Variants in PPARA observed in about 807,000 individuals in gnomAD.
The protein encoded by PPARA is peroxisome proliferator-activated receptor alpha.
PPARA carries 22 observed loss-of-function variants against 42.2 expected under a neutral mutation model. The ratio of observed to expected loss-of-function variants is 0.52; its 90% CI spans 0.37 to 0.74. PPARA has a LOEUF of 0.74. Among genes scored for constraint, PPARA ranks in the 30% least tolerant of loss-of-function variants. The pLI is 0.00. For missense variants in PPARA, 465 were observed against 608.2 expected, an observed-to-expected ratio of 0.76 and a Z score of 2.48; for synonymous variants, 242 against 239.3, an observed-to-expected ratio of 1.01 and a Z score of -0.10.
chr22:46,170,943 C>T (rs1927932056), intron 2 of PPARA, among the ~76,000 whole-genome samples: 1 of 151,706 alleles, frequency 6.6e-6, no homozygotes, highest in African/African-American at 2.4e-5. Flanking sequence ...AGCAGATCAC[C>T]TGAGGTCAGG....
At position 46,233,063 on chromosome 22, in the gene PPARA, T is replaced by C. The variant is rs4253774; in HGVS notation, c.1159+824T>C. Among the ~76,000 whole-genome samples, 2,769 of 150,686 alleles carry C rather than the reference T, an allele frequency of 0.018. 82 individuals are homozygous for C. Among genetic ancestry groups the C allele is most frequent in the African/African-American group, 0.064 (2,617 of 41,090 alleles). ...TTATATCTAATATTATAAACAGATA[T>C]AATTTATATATTATGATATTCCTGT... On this transcript the variant is annotated intron_variant, in intron 8 of 8. Coordinates refer to ENST00000407236, the MANE Select transcript of PPARA (RefSeq NM_005036.6). This position sits in a 1 kb window ranked among gnomAD's most constrained non-coding sequence, Gnocchi z 7.3.
intron 2 of PPARA, among the ~76,000 whole-genome samples, chr22:46,170,232 G>C (rs548519334): frequency 5.2e-4 from 79 of 150,992 alleles, no homozygotes; most frequent in African/African-American, 1.7e-3. Context: ...TGTTTTTGGT[G>C]GCAGGGGGGT....
chr22:46,240,120 CTTCAACAGTGTGGCCT>C lies in PPARA; in HGVS notation c.*4746_*4761del, dbSNP rs1936333984. 1 of 398,612 alleles carries C rather than the reference CTTCAACAGTGTGGCCT, an allele frequency of 2.5e-6. No individual in the cohort carries two copies. Among genetic ancestry groups the C allele is most frequent in the Non-Finnish European group, 4.4e-6 (1 of 226,160 alleles). The allele number at this position is 398,612 out of a possible 1,614,324, so 24.7% of individuals were successfully genotyped here. Reference sequence around the variant, plus strand: ...TGGCCACCTTCAACAGCTGGTACCTCTTCAACAGTGTGGCCTTTCAAAATGCAGATGCCACCAGGAG... The same window carrying C: ...TGGCCACCTTCAACAGCTGGTACCTCTTCAAAATGCAGATGCCACCAGGAG... On this transcript the variant is annotated 3_prime_UTR_variant, in exon 9 of 9. Transcript: ENST00000407236. This position sits in a 1 kb window ranked among gnomAD's most constrained non-coding sequence, Gnocchi z 6.0.
At chr22:46,217,630 A>G (rs1040502391) in intron 5 of PPARA, among the ~76,000 whole-genome samples, 2 of 152,142 alleles carry the variant, frequency 1.3e-5, no homozygotes, top group Non-Finnish European at 2.9e-5. Context: ...AGTTACATTC[A>G]TATACATTGT....
At chr22:46,229,719 G>A (rs190375880) in intron 7 of PPARA, among the ~76,000 whole-genome samples, 18 of 151,974 alleles carry the variant, frequency 1.2e-4, no homozygotes, top group East Asian at 3.9e-4. Flanking sequence ...TTTATTAATC[G>A]GACTTGAGAT....
At position 46,223,297 on chromosome 22, in the gene PPARA, G is replaced by T. The variant is rs144206504; in HGVS notation, c.711+3283G>T. Among the ~76,000 whole-genome samples the T allele has an allele frequency of 2.9e-3, 443 of 152,240 alleles. 4 individuals are homozygous for T. Among genetic ancestry groups the T allele is most frequent in the African/African-American group, 0.01 (423 of 41,572 alleles). On this transcript the variant is annotated intron_variant, in intron 7 of 8. Coordinates refer to ENST00000407236, the MANE Select transcript of PPARA (RefSeq NM_005036.6). ...GGAACCCCATCACCCTCAGCTGAGG[G>T]TCACATGCAGCAACTAGCAGGCGGG...
intron 2 of PPARA, among the ~76,000 whole-genome samples, chr22:46,175,060 C>T (rs1370699162): frequency 2.0e-5 from 3 of 151,960 alleles, no homozygotes; most frequent in African/African-American, 7.2e-5. Context: ...CATAGGCGTG[C>T]ACCACACCTG....
chr22:46,228,200 A>T (rs1935604534), intron 7 of PPARA, among the ~76,000 whole-genome samples: 1 of 152,212 alleles, frequency 6.6e-6, no homozygotes, highest in Non-Finnish European at 1.5e-5. Flanking sequence ...TTGGGTGTTC[A>T]TGCTCCGCTG....
rs977869245 is a variant in PPARA, at chr22:46,163,808, T to G, written c.-127+11838T>G. 6.6e-6 allele frequency: 1 copy of G among 152,202 alleles called. No individual in the cohort carries two copies. The allele number at this position is 152,202 out of a possible 1,614,324, so 9.4% of individuals were successfully genotyped here. On this transcript the variant is annotated intron_variant, in intron 2 of 8. Coordinates refer to ENST00000407236, the MANE Select transcript of PPARA (RefSeq NM_005036.6). This position sits in a 1 kb window ranked among gnomAD's most constrained non-coding sequence, Gnocchi z 4.9. Reference sequence around the variant, plus strand: ...AAGTCGCCCACACTGCTTTCCCCCATGGGAGTGACAAGGATGTGTCCCGCC... The same window carrying G: ...AAGTCGCCCACACTGCTTTCCCCCAGGGGAGTGACAAGGATGTGTCCCGCC...
intron 3 of PPARA, among the ~76,000 whole-genome samples, chr22:46,189,563 A>C (rs573661029): frequency 6.6e-6 from 1 of 152,328 alleles, no homozygotes; most frequent in East Asian, 1.9e-4. Context: ...AAATTCATTA[A>C]GATAGAGTGT....
rs78922364 is a variant in PPARA, at chr22:46,237,225, G to A, written c.*1845G>A. The A allele has an allele frequency of 6.6e-6, 1 of 152,208 alleles. No individual in the cohort carries two copies. Among genetic ancestry groups the A allele is most frequent in the Non-Finnish European group, 1.5e-5 (1 of 68,038 alleles). 9.4% of individuals were successfully genotyped at this position (152,208 alleles called of 1,614,324 possible). On this transcript the variant is annotated 3_prime_UTR_variant, in exon 9 of 9. Transcript: ENST00000407236. The surrounding 1 kb of genome is among the most constrained non-coding windows in gnomAD (Gnocchi z 6.7). ...AATGCGAGAGTGGGAAGGACACAGT[G>A]TGAGACTTCCACTAGAAAAAAGTGA...
chr22:46,241,698 AC>A lies in PPARA; in HGVS notation c.*6319del, dbSNP rs1363260471. Reference sequence around the variant, plus strand: ...TGAGACATGAGAGGTATAATCAGTTACTTTTCTCCCCCCAGAGAAACCCTTT... The same window carrying A: ...TGAGACATGAGAGGTATAATCAGTTATTTTCTCCCCCCAGAGAAACCCTTT... On this transcript the variant is annotated 3_prime_UTR_variant, in exon 9 of 9. Transcript: ENST00000407236. This position sits in a 1 kb window ranked among gnomAD's most constrained non-coding sequence, Gnocchi z 5.7. 2 of 152,212 alleles carry A rather than the reference AC, an allele frequency of 1.3e-5. No homozygotes were observed. Among genetic ancestry groups the A allele is most frequent in the African/African-American group, 4.8e-5 (2 of 41,438 alleles). 9.4% of individuals were successfully genotyped at this position (152,212 alleles called of 1,614,324 possible).
chr22:46,206,715 G>A (rs1245858091), intron 4 of PPARA, among the ~76,000 whole-genome samples: 1 of 152,034 alleles, frequency 6.6e-6, no homozygotes, highest in African/African-American at 2.4e-5. Flanking sequence ...ATCTTTTTAA[G>A]ATAGTAGTAA....
Position 46,198,174 on chromosome 22 carries a change from C to T in PPARA, c.-42-168C>T, listed in dbSNP as rs1241130857. ...AATGGTGTGAACCCGGGAGGCGGAG[C>T]TTGCAGTGAGCCGAGATTGTGCCCC... On this transcript the variant is annotated intron_variant, in intron 3 of 8. Coordinates refer to ENST00000407236, the MANE Select transcript of PPARA (RefSeq NM_005036.6). Among the ~76,000 whole-genome samples, 6 of 139,446 alleles carry T rather than the reference C, an allele frequency of 4.3e-5. No homozygotes were observed. The South Asian group carries it at 1.3e-3, about 31-fold the overall frequency. The allele number at this position is 139,446 out of a possible 152,430, so 91.5% of individuals were successfully genotyped here.
rs193135714 is a variant in PPARA at position 46,207,587 on chromosome 22, T to G, written c.209-7586T>G. ...CATGAGCCACCGAGCCTGGCCACTTTTTTTCTTTAAATGCTTTTAAGATGT... is the reference window on the plus strand; with the variant it reads ...CATGAGCCACCGAGCCTGGCCACTTGTTTTCTTTAAATGCTTTTAAGATGT... On this transcript the variant is annotated intron_variant, in intron 4 of 8. Coordinates refer to ENST00000407236, the MANE Select transcript of PPARA (RefSeq NM_005036.6). Among the ~76,000 whole-genome samples, 344 of 149,768 alleles carry G rather than the reference T, an allele frequency of 2.3e-3. 2 individuals are homozygous for G. Among genetic ancestry groups the G allele is most frequent in the Middle Eastern group, 0.017 (5 of 288 alleles).
chr22:46,163,668 C>T lies in PPARA; in HGVS notation c.-127+11698C>T, dbSNP rs1340234397. On this transcript the variant is annotated intron_variant, in intron 2 of 8. Transcript: ENST00000407236. The surrounding 1 kb of genome is among the most constrained non-coding windows in gnomAD (Gnocchi z 4.9). Reference sequence around the variant, plus strand: ...TGGTCTGTGCCTTCCAGGGCAGCCACGTCATGCTTTGCCCAGCCAGGGCGG... The same window carrying T: ...TGGTCTGTGCCTTCCAGGGCAGCCATGTCATGCTTTGCCCAGCCAGGGCGG... 2.0e-5 allele frequency: 3 copies of T among 152,262 alleles called. No homozygotes were observed. The highest frequency in any genetic ancestry group is 4.4e-5 in the Non-Finnish European group (3 of 68,068). The allele number at this position is 152,262 out of a possible 1,614,324, so 9.4% of individuals were successfully genotyped here. A position where few individuals can be genotyped will look rare whatever the true frequency, so the allele number is the denominator to read the frequency against.
At chr22:46,214,486 G>A (rs1037612164) in intron 4 of PPARA, among the ~76,000 whole-genome samples, 5 of 146,042 alleles carry the variant, frequency 3.4e-5, no homozygotes, top group East Asian at 2.1e-4. Flanking sequence ...TGGGCGAATC[G>A]GAGATGCGCG....
At chr22:46,157,267 G>A (rs962922518) in intron 2 of PPARA, among the ~76,000 whole-genome samples, 1 of 152,216 alleles carries the variant, frequency 6.6e-6, no homozygotes, top group Admixed American at 6.5e-5. Context: ...ATGTATTGAT[G>A]GGCCTGTGTG....
rs1927322189 is a variant in PPARA at position 46,167,942 on chromosome 22, T to A, written c.-126-8811T>A. On this transcript the variant is annotated intron_variant, in intron 2 of 8. Coordinates refer to ENST00000407236, the MANE Select transcript of PPARA (RefSeq NM_005036.6). The surrounding 1 kb of genome is among the most constrained non-coding windows in gnomAD (Gnocchi z 4.1). ...GGCACATGTCTGTAGTCCTAGCTAC[T>A]CACGAAGCTGAGGCAGGAGGATCAC... 6.6e-6 allele frequency among the ~76,000 whole-genome samples: 1 copy of A among 151,620 alleles called. No homozygotes were observed. The highest frequency in any genetic ancestry group is 2.4e-5 in the African/African-American group (1 of 41,248).
Sources: gnomAD v4.1 joint callset for allele counts (sites outside exome capture counted in the v4.1 genomes callset) on GRCh38, gnomAD v4.1.1 for gene constraint, Gnocchi (gnomAD v3.1) non-coding constraint, MANE v1.5 for transcripts, NCBI Gene and HGNC (gene_info 2026-07-23, HGNC 2026-07-21) for gene names.